The following TNFRSF10D variants were observed in gnomAD, a reference collection of about 807,000 sequenced individuals.
TNFRSF10D encodes the protein tumor necrosis factor receptor superfamily member 10D.
A neutral mutation model predicts 42.1 loss-of-function variants in TNFRSF10D; 28 were observed. The observed-to-expected ratio is 0.66, with a 90% CI of 0.49 to 0.91. The LOEUF (loss-of-function observed/expected upper bound fraction) is 0.91. Ranked by LOEUF, TNFRSF10D falls within the 40% of genes least tolerant of loss-of-function variation. The pLI is 0.00. For synonymous variants in TNFRSF10D, 186 were observed against 189.4 expected, an observed-to-expected ratio of 0.98 and a Z score of 0.15; for missense variants, 503 against 486.1, an observed-to-expected ratio of 1.03 and a Z score of -0.33.
chr8:23,144,828 T>C (rs1800091294), intron 6 of TNFRSF10D, among the ~76,000 whole-genome samples, 193 bp from the exon 7 acceptor site: 1 of 151,538 alleles, frequency 6.6e-6, no homozygotes, highest in African/African-American at 2.4e-5. Context: ...AGCTGTGGAG[T>C]GATGGTGTCA....
intron 7 of TNFRSF10D, among the ~76,000 whole-genome samples, chr8:23,143,914 A>C (rs147938648): frequency 1.3e-5 from 2 of 152,222 alleles, no homozygotes; most frequent in African/African-American, 4.8e-5. Context: ...ACTCAATGTC[A>C]TATCAAAACT....
rs190247446 is a variant in TNFRSF10D at position 23,143,627 on chromosome 8, G to A, written c.954+823C>T. ...TGGAAAGTGAACCTTGTCTAGGTAA[G>A]TATTTGACAAGTGATCAAAGAGGAG... On this transcript the variant is annotated intron_variant, in intron 7 of 8. Coordinates refer to ENST00000312584, the MANE Select transcript of TNFRSF10D (RefSeq NM_003840.5). 5.3e-5 allele frequency among the ~76,000 whole-genome samples: 8 copies of A among 152,264 alleles called. 1 individual carries two copies. Among genetic ancestry groups the A allele is most frequent in the Admixed American group, 3.3e-4 (5 of 15,292 alleles).
intron 7 of TNFRSF10D, among the ~76,000 whole-genome samples, chr8:23,143,331 A>T (rs1800060302): frequency 6.6e-6 from 1 of 151,700 alleles, no homozygotes; most frequent in Non-Finnish European, 1.5e-5. Context: ...TACCACTTTC[A>T]AAAAATGTGC....
At chr8:23,161,625 C>T (rs999711174) in intron 1 of TNFRSF10D, among the ~76,000 whole-genome samples, 26 of 152,240 alleles carry the variant, frequency 1.7e-4, no homozygotes, top group African/African-American at 6.3e-4. Flanking sequence ...GTCATCTACT[C>T]CCACTACCAA....
rs147538574 is a variant in TNFRSF10D, at chr8:23,148,927, A to G, written c.257-376T>C. Among the ~76,000 whole-genome samples the G allele has an allele frequency of 5.4e-3, 826 of 151,830 alleles. 8 individuals carry two copies. The highest frequency in any genetic ancestry group is 0.018 in the African/African-American group (725 of 41,360). On this transcript the variant is annotated intron_variant, in intron 2 of 8. Transcript: ENST00000312584. ...TTTTTTTGGCCAGGCACGGTGGCTC[A>G]CGCCTGTAATCCCAGTACTTAGGGA...
chr8:23,138,367 G>GTCTCCA, intron 7 of TNFRSF10D, 107 bp from the exon 8 acceptor site: 19 of 1,222,590 alleles, frequency 1.6e-5, no homozygotes, highest in Non-Finnish European at 2.1e-5. Context: ...TCCCTCTTGG[G>GTCTCCA]TCTCCATGGA....
At chr8:23,146,073 C>G (rs981765377) in intron 4 of TNFRSF10D, 152 bp from the exon 5 acceptor site, 5 of 1,060,698 alleles carry the variant, frequency 4.7e-6, no homozygotes, top group Non-Finnish European at 7.0e-6. Context: ...GTGCTCCCTT[C>G]TTGAGGCTGG....
chr8:23,154,862 A>G lies in TNFRSF10D; in HGVS notation c.256+12T>C. On this transcript the variant is annotated intron_variant, in intron 2 of 8. Coordinates refer to ENST00000312584, the MANE Select transcript of TNFRSF10D (RefSeq NM_003840.5). ...ACTAAAAATAAACTGATTTTTAAAA[A>G]TAAGAGTGCACCTGCTGGACACTCC... The G allele has an allele frequency of 6.2e-7, 1 of 1,606,148 alleles. No individual in the cohort carries two copies.
intron 7 of TNFRSF10D, among the ~76,000 whole-genome samples, chr8:23,142,986 T>C (rs976224983): frequency 6.6e-6 from 1 of 152,126 alleles, no homozygotes; most frequent in African/African-American, 2.4e-5. Context: ...TTGTTTTTGT[T>C]TTTGTTTTGA....
Position 23,154,723 on chromosome 8 carries a change from T to C in TNFRSF10D, c.256+151A>G, listed in dbSNP as rs567576385. 3.1e-5 allele frequency: 29 copies of C among 922,260 alleles called. No homozygotes were observed. In the African/African-American group the frequency reaches 4.5e-4, roughly 14 times the overall value. The allele number at this position is 922,260 out of a possible 1,614,324, so 57.1% of individuals were successfully genotyped here. ...TGCTGAGTAGACTTTTAAGTGTTCT[T>C]ACAACAAATACACGATAAGTATGTG... On this transcript the variant is annotated intron_variant, in intron 2 of 8. Coordinates refer to ENST00000312584, the MANE Select transcript of TNFRSF10D (RefSeq NM_003840.5).
chr8:23,141,307 C>T (rs1401505267), intron 7 of TNFRSF10D, among the ~76,000 whole-genome samples: 1 of 152,048 alleles, frequency 6.6e-6, no homozygotes, highest in Non-Finnish European at 1.5e-5. Flanking sequence ...GAGTTCGAGA[C>T]CAGCCTGACC....
chr8:23,144,198 A>C (rs147690990), intron 7 of TNFRSF10D, among the ~76,000 whole-genome samples: 1,624 of 152,346 alleles, frequency 0.011, 27 homozygotes, highest in African/African-American at 0.035. Flanking sequence ...ACCCTGTGAC[A>C]CCCACTCTAT....
intron 3 of TNFRSF10D, among the ~76,000 whole-genome samples, chr8:23,148,145 T>A (rs13439214): frequency 1.4e-5 from 2 of 146,840 alleles, no homozygotes; most frequent in African/African-American, 2.5e-5. Context: ...GAGGCTGAGG[T>A]AGAAGAATCA....
chr8:23,159,871 A>G (rs1461160344), intron 1 of TNFRSF10D, among the ~76,000 whole-genome samples: 1 of 151,904 alleles, frequency 6.6e-6, no homozygotes, highest in Admixed American at 6.5e-5. Context: ...TCAAGAAAAA[A>G]GAAGTCGTAC....
In TNFRSF10D at chr8:23,136,052, C is replaced by G; in HGVS notation, c.*1818G>C. ...GGACACAACAATCTGAATGTGCGAA[C>G]TTCAGGCAGTTCTAACTTTGTCCCA... On this transcript the variant is annotated 3_prime_UTR_variant, in exon 9 of 9. Coordinates refer to ENST00000312584, the MANE Select transcript of TNFRSF10D (RefSeq NM_003840.5). 2.5e-6 allele frequency: 1 copy of G among 395,550 alleles called. No individual in the cohort carries two copies. The highest frequency in any genetic ancestry group is 5.0e-6 in the Non-Finnish European group (1 of 198,834). 24.5% of individuals were successfully genotyped at this position (395,550 alleles called of 1,614,324 possible). A position where few individuals can be genotyped will look rare whatever the true frequency, so the allele number is the denominator to read the frequency against.
At chr8:23,156,820 G>A (rs1800288048) in intron 1 of TNFRSF10D, among the ~76,000 whole-genome samples, 1 of 152,136 alleles carries the variant, frequency 6.6e-6, no homozygotes, top group South Asian at 2.1e-4. Flanking sequence ...GCCTGCCTGA[G>A]CCTCCCAAAG....
chr8:23,138,731 C>T (rs1403474176), intron 7 of TNFRSF10D, among the ~76,000 whole-genome samples: 932 of 152,196 alleles, frequency 6.1e-3, no homozygotes, highest in African/African-American at 0.019. Flanking sequence ...TCTACCATAT[C>T]AATAGCGTAA....
At chr8:23,138,150 CT>C (rs778063492) in intron 8 of TNFRSF10D, 37 bp downstream of exon 8, 156 of 1,613,706 alleles carry the variant, frequency 9.7e-5, no homozygotes, top group Admixed American at 2.8e-4. Flanking sequence ...TCCCTATTCC[CT>C]GTCCTCCTGC....
Position 23,142,922 on chromosome 8 carries a change from G to A in TNFRSF10D, c.954+1528C>T, listed in dbSNP as rs532926082. Among the ~76,000 whole-genome samples, 4 of 152,254 alleles carry A rather than the reference G, an allele frequency of 2.6e-5. No individual in the cohort carries two copies. The East Asian group carries it at 7.7e-4, about 29-fold the overall frequency. On this transcript the variant is annotated intron_variant, in intron 7 of 8. Coordinates refer to ENST00000312584, the MANE Select transcript of TNFRSF10D (RefSeq NM_003840.5). ...TCACCTGAATGAAGAAGGGCTGGGG[G>A]CTGGAGGAAGTGTTAGGGGACTACC...
Sources: allele counts gnomAD v4.1 joint callset (sites outside exome capture counted in the v4.1 genomes callset), GRCh38; gene constraint gnomAD v4.1.1; transcripts MANE v1.5; gene names NCBI Gene and HGNC (gene_info 2026-07-23, HGNC 2026-07-21).